TAF1A: variants seen among roughly 807,000 people sequenced by gnomAD.
TAF1A encodes the protein TATA-box binding protein associated factor, RNA polymerase I subunit A, also known as TATA box-binding protein-associated factor RNA polymerase I subunit A.
In TAF1A, 42 loss-of-function variants were observed where a neutral mutation model predicts 61.6. That is an observed-to-expected ratio of 0.68 (90% CI 0.53 to 0.88). TAF1A has a LOEUF of 0.88. Among genes scored for constraint, TAF1A ranks in the 40% least tolerant of loss-of-function variants. TAF1A has a pLI of 0.00. For missense variants in TAF1A, 424 were observed against 518.7 expected (o/e 0.82, Z 1.77); for synonymous variants, 179 against 177.7 (o/e 1.01, Z -0.06).
intron 7 of TAF1A, among the ~76,000 whole-genome samples, chr1:222,567,288 G>A (rs1172367505): frequency 2.0e-5 from 3 of 151,360 alleles, no homozygotes; most frequent in African/African-American, 7.3e-5. Flanking sequence ...GTTTTCAGGG[G>A]CTGGGAGGAG....
At chr1:222,587,633 T>C in intron 2 of TAF1A, among the ~76,000 whole-genome samples, 1 of 152,204 alleles carries the variant, frequency 6.6e-6, no homozygotes, top group Non-Finnish European at 1.5e-5. Context: ...ATATTAAATA[T>C]ATTCTTATAG....
At chr1:222,584,026 A>G (rs774684504) in intron 3 of TAF1A, 102 bp downstream of exon 3, 17 of 1,403,708 alleles carry the variant, frequency 1.2e-5, no homozygotes, top group Non-Finnish European at 9.6e-7. Flanking sequence ...AGTAGCTTTT[A>G]GCAAAATCAC....
At chr1:222,583,293 T>C (rs1415735626) in intron 3 of TAF1A, among the ~76,000 whole-genome samples, 1 of 152,090 alleles carries the variant, frequency 6.6e-6, no homozygotes, top group African/African-American at 2.4e-5. Context: ...GGTTTTGGTT[T>C]CATGGGAGAA....
At chr1:222,586,317 T>C in intron 2 of TAF1A, among the ~76,000 whole-genome samples, 1 of 152,330 alleles carries the variant, frequency 6.6e-6, no homozygotes, top group South Asian at 2.1e-4. Flanking sequence ...ATCCCTTATT[T>C]ACCTAAAGGA....
At chr1:222,568,847 T>C (rs895077180) in intron 7 of TAF1A, 4 of 152,286 alleles carry the variant, frequency 2.6e-5, no homozygotes, top group Admixed American at 2.6e-4. Flanking sequence ...AAAGTAAAAA[T>C]TACCCAAATG....
At chr1:222,561,150 G>A in intron 10 of TAF1A, among the ~76,000 whole-genome samples, 1 of 152,092 alleles carries the variant, frequency 6.6e-6, no homozygotes, top group South Asian at 2.1e-4. Context: ...ACTCAAGTCA[G>A]GAGATGAAAA....
At chr1:222,582,594 T>G (rs1204230237) in intron 3 of TAF1A, among the ~76,000 whole-genome samples, 2 of 152,194 alleles carry the variant, frequency 1.3e-5, no homozygotes, top group Non-Finnish European at 2.9e-5. Flanking sequence ...CACTCCCAGG[T>G]GTAGACCCAG....
At chr1:222,581,948 T>A (rs1358625336) in intron 3 of TAF1A, among the ~76,000 whole-genome samples, 1 of 152,224 alleles carries the variant, frequency 6.6e-6, no homozygotes, top group Non-Finnish European at 1.5e-5. Flanking sequence ...TGTATATACA[T>A]AATGAGACTG....
chr1:222,584,369 G>T, intron 2 of TAF1A, 72 bp from the exon 3 acceptor site: 1 of 1,427,546 alleles, frequency 7.0e-7, no homozygotes, highest in South Asian at 1.4e-5. Flanking sequence ...ACTTACTTCT[G>T]ATAAGAAGTT....
rs371076965 is a variant in TAF1A, at chr1:222,561,564, A to G, written c.1086-46T>C. 18 of 1,517,102 alleles carry G rather than the reference A, an allele frequency of 1.2e-5. No individual in the cohort carries two copies. In the African/African-American group the frequency reaches 1.8e-4, roughly 15 times the overall value. The allele number at this position is 1,517,102 out of a possible 1,614,324, so 94.0% of individuals were successfully genotyped here. On this transcript the variant is annotated intron_variant, in intron 9 of 10. Transcript: ENST00000352967. ...AAGAGAGGGTCAATGATGGAAACAA[A>G]TCTATATTATCAGAATTTAGACTTA...
chr1:222,585,685 A>G (rs1435057356), intron 2 of TAF1A, among the ~76,000 whole-genome samples: 1 of 144,322 alleles, frequency 6.9e-6, no homozygotes, highest in Admixed American at 7.1e-5. Context: ...TCAACCTAGA[A>G]AAAGTTTTAA....
rs1305627094 is a variant in TAF1A at position 222,589,885 on chromosome 1, C to A, written c.-161G>T. On this transcript the variant is annotated 5_prime_UTR_variant, in exon 1 of 11. Coordinates refer to ENST00000352967, the MANE Select transcript of TAF1A (RefSeq NM_005681.4). ...GCAGCGCGCGGCCCGGCTCGTAACT[C>A]CTCCTGCTGCAGCAGGCGTATCGTT... 9 of 396,448 alleles carry A rather than the reference C, an allele frequency of 2.3e-5. No homozygotes were observed. In the East Asian group the frequency reaches 3.2e-4, roughly 14 times the overall value. 24.6% of individuals were successfully genotyped at this position (396,448 alleles called of 1,614,324 possible).
intron 8 of TAF1A, 73 bp downstream of exon 8, chr1:222,563,986 G>A (rs1571797465): frequency 1.1e-6 from 1 of 884,816 alleles, no homozygotes; most frequent in East Asian, 2.5e-5. Flanking sequence ...TTTAGCCGAT[G>A]GGCTAAACTA....
chr1:222,559,222 A>G (rs1262979797), intron 10 of TAF1A, among the ~76,000 whole-genome samples: 1 of 152,258 alleles, frequency 6.6e-6, no homozygotes, highest in African/African-American at 2.4e-5. Flanking sequence ...AGTTACGTTC[A>G]TAACAGTAAG....
chr1:222,579,578 C>T (rs1395421907), intron 4 of TAF1A, among the ~76,000 whole-genome samples, 181 bp downstream of exon 4: 2 of 152,078 alleles, frequency 1.3e-5, no homozygotes, highest in African/African-American at 2.4e-5. Flanking sequence ...ACACAGGAGG[C>T]GCCTGAAAAT....
chr1:222,569,352 G>A, intron 7 of TAF1A, 158 bp downstream of exon 7: 1 of 1,539,732 alleles, frequency 6.5e-7, no homozygotes, highest in African/African-American at 1.4e-5. Flanking sequence ...ATACATACAT[G>A]GAGATGGCAG....
At chr1:222,577,217 C>T (rs1289861489) in intron 5 of TAF1A, among the ~76,000 whole-genome samples, 2 of 152,148 alleles carry the variant, frequency 1.3e-5, no homozygotes, top group Non-Finnish European at 2.9e-5. Context: ...ACATTCAAAA[C>T]AGCAATGAAC....
At chr1:222,572,648 T>G (rs572322032) in intron 5 of TAF1A, among the ~76,000 whole-genome samples, 3 of 152,318 alleles carry the variant, frequency 2.0e-5, no homozygotes, top group Non-Finnish European at 4.4e-5. Flanking sequence ...GCATGGCCAC[T>G]GCTCCCGGCT....
At chr1:222,565,866 A>AAAC (rs985869454) in intron 7 of TAF1A, among the ~76,000 whole-genome samples, 131 of 152,318 alleles carry the variant, frequency 8.6e-4, no homozygotes, top group Middle Eastern at 3.4e-3. Context: ...ACCCTGTTTC[A>AAAC]AACAACAACA....
Sources: allele counts gnomAD v4.1 joint callset (sites outside exome capture counted in the v4.1 genomes callset), GRCh38; gene constraint gnomAD v4.1.1; transcripts MANE v1.5; gene names NCBI Gene and HGNC (gene_info 2026-07-23, HGNC 2026-07-21).